Variants in DENND6A observed in about 807,000 individuals in gnomAD.
DENND6A encodes the protein DENN domain containing 6A, also known as protein DENND6A.
DENND6A carries 43 observed loss-of-function variants against 95.5 expected under a neutral mutation model. The ratio of observed to expected loss-of-function variants is 0.45; its 90% CI spans 0.35 to 0.58. DENND6A has a LOEUF of 0.58. Ranked by LOEUF, DENND6A falls within the 20% of genes least tolerant of loss-of-function variation. The pLI is 0.00. For missense variants in DENND6A, 574 were observed against 736.0 expected (o/e 0.78, Z 2.55); for synonymous variants, 257 against 260.4 (o/e 0.99, Z 0.13).
At position 57,687,426 on chromosome 3, in the gene DENND6A, A is replaced by C. The variant is rs532307085; in HGVS notation, c.237+5356T>G. Among the ~76,000 whole-genome samples, 4 of 152,376 alleles carry C rather than the reference A, an allele frequency of 2.6e-5. No homozygotes were observed. In the South Asian group the frequency reaches 8.3e-4, roughly 32 times the overall value. ...TTGGTTCATGAGGTTTAAGGAAAGA[A>C]GCTGTCTCCATAACATAAAAGTGCA... On this transcript the variant is annotated intron_variant, in intron 1 of 19. Coordinates refer to ENST00000311128, the MANE Select transcript of DENND6A (RefSeq NM_152678.3).
chr3:57,678,564 T>C (rs187308074), intron 1 of DENND6A, among the ~76,000 whole-genome samples: 1 of 152,300 alleles, frequency 6.6e-6, no homozygotes, highest in African/African-American at 2.4e-5. Context: ...TAACCTCCAA[T>C]CATATTTAGA....
At chr3:57,691,079 T>C (rs560547527) in intron 1 of DENND6A, among the ~76,000 whole-genome samples, 1 of 152,350 alleles carries the variant, frequency 6.6e-6, no homozygotes, top group East Asian at 1.9e-4. Flanking sequence ...GTTTATTTGG[T>C]CAAAAAACAT....
chr3:57,678,277 C>A (rs796438581), intron 1 of DENND6A, among the ~76,000 whole-genome samples: 1 of 152,162 alleles, frequency 6.6e-6, no homozygotes, highest in African/African-American at 2.4e-5. Context: ...AGGAGATTCT[C>A]CCAGCACATA....
intron 15 of DENND6A, chr3:57,631,284 C>T: frequency 4.4e-6 from 1 of 225,416 alleles, no homozygotes; most frequent in Non-Finnish European, 8.6e-6. Flanking sequence ...ACAACCTCTG[C>T]CCCCCGGGTT....
At chr3:57,676,535 A>T (rs1329957749) in intron 1 of DENND6A, among the ~76,000 whole-genome samples, 1 of 152,122 alleles carries the variant, frequency 6.6e-6, no homozygotes, top group African/African-American at 2.4e-5. Context: ...TAAAATTTTA[A>T]TAGTTATATG....
At chr3:57,637,155 T>A (rs1334763370) in intron 12 of DENND6A, among the ~76,000 whole-genome samples, 2 of 152,170 alleles carry the variant, frequency 1.3e-5, no homozygotes, top group Non-Finnish European at 2.9e-5. Context: ...AGAGTTTATT[T>A]ATGATGCCCA....
At chr3:57,692,751 A>C in intron 1 of DENND6A, 31 bp downstream of exon 1, 1 of 1,422,712 alleles carries the variant, frequency 7.0e-7, no homozygotes. Context: ...GCAGGGGAGG[A>C]GCGCCGAGAA....
At position 57,630,807 on chromosome 3, in the gene DENND6A, T is replaced by C. The variant is rs143515784; in HGVS notation, c.1425A>G (p.Arg475=). ...ISPWKSPPQL[R]QFLPEEFMKT... ...TCATAAATTCTTCTGGAAGAAACTG[T>C]CTTAATTGAGGTGGACTCTAGAAAA... Residue 475 remains arginine, a synonymous_variant, in exon 17 of 20, where the codon AGA becomes AGG. Coordinates refer to ENST00000311128, the MANE Select transcript of DENND6A (RefSeq NM_152678.3). The C allele has an allele frequency of 7.0e-5, 113 of 1,613,860 alleles. No homozygotes were observed. The African/African-American group carries it at 1.4e-3, about 20-fold the overall frequency.
intron 7 of DENND6A, among the ~76,000 whole-genome samples, chr3:57,660,070 A>G (rs2071394644): frequency 1.3e-5 from 2 of 152,228 alleles, no homozygotes; most frequent in Non-Finnish European, 2.9e-5. Flanking sequence ...GGTTCTAGGA[A>G]GCAAAATGTA....
intron 3 of DENND6A, among the ~76,000 whole-genome samples, chr3:57,666,603 T>C (rs563358229): frequency 3.3e-5 from 5 of 152,298 alleles, no homozygotes; most frequent in African/African-American, 1.2e-4. Context: ...TCCACTTTTA[T>C]AAAATGTTTT....
intron 1 of DENND6A, 77 bp downstream of exon 1, chr3:57,692,705 C>A: frequency 7.6e-7 from 1 of 1,317,782 alleles, no homozygotes; most frequent in African/African-American, 1.6e-5. Flanking sequence ...GGCCGGTCAG[C>A]CCGCGGGCCG....
intron 1 of DENND6A, among the ~76,000 whole-genome samples, chr3:57,687,736 C>T (rs1167235413): frequency 6.6e-6 from 1 of 151,920 alleles, no homozygotes; most frequent in African/African-American, 2.4e-5. Context: ...AATTTGAGAC[C>T]AGCCTGGACA....
intron 14 of DENND6A, among the ~76,000 whole-genome samples, 187 bp from the exon 15 acceptor site, chr3:57,633,541 G>C (rs184947072): frequency 1.8e-3 from 278 of 152,212 alleles, no homozygotes; most frequent in Admixed American, 3.9e-3. Flanking sequence ...CTTTACCGGA[G>C]CAAAACATAA....
chr3:57,672,232 A>G, intron 3 of DENND6A, 24 bp downstream of exon 3: 1 of 1,591,894 alleles, frequency 6.3e-7, no homozygotes, highest in East Asian at 2.2e-5. Context: ...AATTAAACAG[A>G]AACACTGTAT....
chr3:57,646,057 C>G (rs1353392774), intron 10 of DENND6A, among the ~76,000 whole-genome samples: 1 of 152,194 alleles, frequency 6.6e-6, no homozygotes, highest in Non-Finnish European at 1.5e-5. Flanking sequence ...CAAGGAACAA[C>G]TTCATGTAAT....
chr3:57,654,528 T>C, intron 9 of DENND6A: 1 of 704,538 alleles, frequency 1.4e-6, no homozygotes, highest in Non-Finnish European at 1.7e-6. Flanking sequence ...AGGTGATAAC[T>C]GATGTGTCTC....
chr3:57,642,002 C>G (rs1267849963), intron 11 of DENND6A, among the ~76,000 whole-genome samples: 1 of 152,048 alleles, frequency 6.6e-6, no homozygotes, highest in Non-Finnish European at 1.5e-5. Flanking sequence ...AATTAGAAGA[C>G]AGTGAAGGTG....
chr3:57,653,542 G>A (rs1022851178), intron 9 of DENND6A, among the ~76,000 whole-genome samples: 1 of 151,822 alleles, frequency 6.6e-6, no homozygotes, highest in African/African-American at 2.4e-5. Flanking sequence ...TCAGGAGATC[G>A]AGACCATCCT....
intron 11 of DENND6A, among the ~76,000 whole-genome samples, chr3:57,643,661 C>T (rs550403476): frequency 1.3e-5 from 2 of 151,524 alleles, no homozygotes; most frequent in African/African-American, 4.8e-5. Context: ...ACCCCATCTC[C>T]ACTAAAAATA....
Sources: allele counts gnomAD v4.1 joint callset (sites outside exome capture counted in the v4.1 genomes callset), GRCh38; gene constraint gnomAD v4.1.1; transcripts MANE v1.5; gene names NCBI Gene and HGNC (gene_info 2026-07-23, HGNC 2026-07-21).